SRGAP3: variants seen among roughly 807,000 people sequenced by gnomAD.
SRGAP3 encodes the protein SLIT-ROBO Rho GTPase activating protein 3.
In SRGAP3, 39 loss-of-function variants were observed where a neutral mutation model predicts 121.1. The observed-to-expected ratio is 0.32, with a 90% CI of 0.25 to 0.42. The LOEUF (loss-of-function observed/expected upper bound fraction) is 0.42, where lower values mean the gene tolerates loss of function less well. SRGAP3 is among the 10% of genes least tolerant of loss of function. The pLI, the probability that SRGAP3 is intolerant of heterozygous loss-of-function variation, is 1.00. For synonymous variants in SRGAP3, 601 were observed against 570.0 expected, an observed-to-expected ratio of 1.05 and a Z score of -0.77; for missense variants, 1,213 against 1,470.6, an observed-to-expected ratio of 0.82 and a Z score of 2.86.
intron 3 of SRGAP3, among the ~76,000 whole-genome samples, chr3:9,305,454 C>A (rs2125276393): frequency 6.7e-6 from 1 of 148,948 alleles, no homozygotes; most frequent in South Asian, 2.1e-4. Flanking sequence ...TACATGTGCA[C>A]AATGTGCAGG....
At chr3:9,045,509 AATGATG>A (rs759746569) in intron 10 of SRGAP3, among the ~76,000 whole-genome samples, 135 of 151,368 alleles carry the variant, frequency 8.9e-4, no homozygotes, top group African/African-American at 3.1e-3. Context: ...GTATGGTGAT[AATGATG>A]ATGATGATGA....
At chr3:9,177,077 T>C (rs1951204830) in intron 1 of SRGAP3, among the ~76,000 whole-genome samples, 1 of 152,196 alleles carries the variant, frequency 6.6e-6, no homozygotes, top group Admixed American at 6.5e-5. Flanking sequence ...GTTCAGAGAC[T>C]GGCTCTAGGG....
intron 14 of SRGAP3, among the ~76,000 whole-genome samples, chr3:9,022,337 C>A (rs12486129): frequency 0.25 from 37,816 of 151,936 alleles, 4,705 homozygotes; most frequent in East Asian, 0.3. Flanking sequence ...AACTAACTAA[C>A]TAAATAAATA....
intron 3 of SRGAP3, among the ~76,000 whole-genome samples, chr3:9,086,804 A>G (rs1397817662): frequency 6.7e-6 from 1 of 148,742 alleles, no homozygotes; most frequent in Non-Finnish European, 1.5e-5. Context: ...TTACATATAC[A>G]TATAATATAC....
At chr3:9,284,351 G>A (rs1954730282) in intron 3 of SRGAP3, among the ~76,000 whole-genome samples, 1 of 152,162 alleles carries the variant, frequency 6.6e-6, no homozygotes, top group African/African-American at 2.4e-5. Context: ...ACATTCTTAG[G>A]TGAAACTAGG....
At chr3:9,023,039 C>A (rs1033084368) in intron 14 of SRGAP3, among the ~76,000 whole-genome samples, 1 of 152,170 alleles carries the variant, frequency 6.6e-6, no homozygotes, top group African/African-American at 2.4e-5. Context: ...AAAAGCAGTG[C>A]TACCAGAGTA....
chr3:9,320,665 AG>A (rs950790522), intron 3 of SRGAP3, among the ~76,000 whole-genome samples: 1 of 151,928 alleles, frequency 6.6e-6, no homozygotes, highest in African/African-American at 2.4e-5. Flanking sequence ...ACACAGTCTT[AG>A]GTATTTCTTT....
chr3:9,062,547 C>A (rs933726863), intron 5 of SRGAP3, among the ~76,000 whole-genome samples: 1 of 152,178 alleles, frequency 6.6e-6, no homozygotes, highest in Admixed American at 6.5e-5. Context: ...TCTTCTTTAG[C>A]CCCTGGAAAC....
intron 1 of SRGAP3, among the ~76,000 whole-genome samples, chr3:9,243,009 G>A (rs994444303): frequency 7.9e-5 from 12 of 152,116 alleles, no homozygotes; most frequent in African/African-American, 2.9e-4. Context: ...TAACTTATCA[G>A]CCACTCCTTC....
intron 18 of SRGAP3, chr3:9,008,117 C>G (rs1272926915): frequency 1.3e-5 from 2 of 152,266 alleles, no homozygotes; most frequent in African/African-American, 4.8e-5. Flanking sequence ...GAAGGATCAT[C>G]TCGGAGGGGG....
intron 1 of SRGAP3, among the ~76,000 whole-genome samples, chr3:9,128,876 G>C (rs1387700445): frequency 1.3e-5 from 2 of 152,178 alleles, no homozygotes; most frequent in Non-Finnish European, 2.9e-5. Flanking sequence ...TGGTGATAGA[G>C]GTCGGAAAAG....
intron 18 of SRGAP3, among the ~76,000 whole-genome samples, chr3:9,005,277 C>T (rs1190264049): frequency 6.6e-6 from 1 of 152,158 alleles, no homozygotes; most frequent in Non-Finnish European, 1.5e-5. Context: ...CAGATAGTAA[C>T]AAGTGCTAGC....
chr3:9,284,479 C>T (rs919010908), intron 3 of SRGAP3, among the ~76,000 whole-genome samples: 3 of 152,154 alleles, frequency 2.0e-5, no homozygotes, highest in Non-Finnish European at 4.4e-5. Context: ...TGCTTTTGCA[C>T]CATTCGTGCG....
intron 3 of SRGAP3, among the ~76,000 whole-genome samples, chr3:9,255,286 G>A (rs1954107837): frequency 6.6e-6 from 1 of 152,196 alleles, no homozygotes; most frequent in African/African-American, 2.4e-5. Context: ...AAATACACAT[G>A]AAATGTTAGC....
Position 9,056,308 on chromosome 3 carries a change from G to C in SRGAP3, c.1050C>G (p.Pro350=), listed in dbSNP as rs150647893. 1.2e-6 allele frequency: 2 copies of C among 1,613,534 alleles called. No homozygotes were observed. The highest frequency in any genetic ancestry group is 1.7e-6 in the Non-Finnish European group (2 of 1,179,934). The change falls in exon 8 of 22, where the codon CCC becomes CCG. Residue 350 remains proline (P), a synonymous_variant. Coordinates refer to ENST00000383836, the MANE Select transcript of SRGAP3 (RefSeq NM_014850.4). The part of the protein sequence containing the change: ...DEVCQVSAQQ[P]VQTELLMRYH... ...AACGCATGAGCAGTTCTGTCTGGAC[G>C]GGCTGCTGAGCGCTGACCTGGCAGA...
chr3:9,173,697 C>T (rs1182109608), intron 1 of SRGAP3, among the ~76,000 whole-genome samples: 1 of 152,052 alleles, frequency 6.6e-6, no homozygotes, highest in Non-Finnish European at 1.5e-5. Flanking sequence ...CACCCCTGCC[C>T]ACCTCTCCTC....
rs148236663 is a variant in SRGAP3, at chr3:8,985,307, C to T, written c.*212G>A. 4.6e-6 allele frequency: 5 copies of T among 1,083,746 alleles called. No individual in the cohort carries two copies. The highest frequency in any genetic ancestry group is 1.7e-5 in the South Asian group (1 of 57,270). The allele number at this position is 1,083,746 out of a possible 1,614,324, so 67.1% of individuals were successfully genotyped here. On this transcript the variant is annotated 3_prime_UTR_variant, in exon 22 of 22. Coordinates refer to ENST00000383836, the MANE Select transcript of SRGAP3 (RefSeq NM_014850.4). This position sits in a 1 kb window ranked among gnomAD's most constrained non-coding sequence, Gnocchi z 5.1. ...GCTGGAGCTCCAGCACTCCTCTGGTCGTCTGTTGACACGCGAGAGGTCCGT... is the reference window on the plus strand; with the variant it reads ...GCTGGAGCTCCAGCACTCCTCTGGTTGTCTGTTGACACGCGAGAGGTCCGT...
intron 3 of SRGAP3, among the ~76,000 whole-genome samples, chr3:9,280,013 A>AT (rs1241911048): frequency 6.6e-6 from 1 of 152,212 alleles, no homozygotes; most frequent in Admixed American, 6.5e-5. Context: ...TGCCTCTGGC[A>AT]TTTGGTTGAG....
chr3:9,152,103 T>C lies in SRGAP3; in HGVS notation c.68-27186A>G, dbSNP rs565208712. 6.6e-5 allele frequency among the ~76,000 whole-genome samples: 10 copies of C among 152,192 alleles called. No individual in the cohort carries two copies. The South Asian group carries it at 2.1e-3, about 32-fold the overall frequency. On this transcript the variant is annotated intron_variant, in intron 1 of 21. Transcript: ENST00000383836. ...CTCTCCATGAGGGCAGGGATCATTG[T>C]CTGTTTGATTCACTGCTGTATCCCC...
Sources: gnomAD v4.1 joint callset for allele counts (sites outside exome capture counted in the v4.1 genomes callset) on GRCh38, gnomAD v4.1.1 for gene constraint, Gnocchi (gnomAD v3.1) non-coding constraint, MANE v1.5 for transcripts, NCBI Gene and HGNC (gene_info 2026-07-23, HGNC 2026-07-21) for gene names.